Variants in DOCK1 observed in about 807,000 individuals in gnomAD.
DOCK1 encodes the protein dedicator of cytokinesis 1.
DOCK1 carries 138 observed loss-of-function variants against 262.7 expected under a neutral mutation model. The observed-to-expected ratio is 0.53, with a 90% CI of 0.46 to 0.61. DOCK1 has a LOEUF of 0.61. Among genes scored for constraint, DOCK1 ranks in the 20% least tolerant of loss-of-function variants. DOCK1 has a pLI of 0.00. For synonymous variants in DOCK1, 866 were observed against 867.4 expected, an observed-to-expected ratio of 1.00 and a Z score of 0.03; for missense variants, 1,908 against 2,370.7, an observed-to-expected ratio of 0.80 and a Z score of 4.05.
chr10:127,063,662 C>A (rs2135847409), intron 23 of DOCK1, among the ~76,000 whole-genome samples: 1 of 152,260 alleles, frequency 6.6e-6, no homozygotes, highest in East Asian at 1.9e-4. Flanking sequence ...TTTAGAAAAA[C>A]AGACGTGTGT....
intron 27 of DOCK1, among the ~76,000 whole-genome samples, chr10:127,139,213 A>G (rs1453047944): frequency 6.6e-6 from 1 of 152,216 alleles, no homozygotes; most frequent in Admixed American, 6.5e-5. Flanking sequence ...ATGAAATCCT[A>G]TTGATTTAGA....
chr10:127,148,312 G>T (rs946121537), intron 27 of DOCK1, among the ~76,000 whole-genome samples: 8 of 152,314 alleles, frequency 5.3e-5, no homozygotes, highest in Admixed American at 3.3e-4. Flanking sequence ...GGAGGATGTG[G>T]TCACTCAGGG....
chr10:126,936,697 T>C (rs2034580358), intron 1 of DOCK1, among the ~76,000 whole-genome samples: 1 of 152,150 alleles, frequency 6.6e-6, no homozygotes, highest in African/African-American at 2.4e-5. Context: ...AGAAAAATGA[T>C]CAAACTTATT....
Position 126,978,124 on chromosome 10 carries a change from G to A in DOCK1, c.171+136G>A, listed in dbSNP as rs1490719104. The A allele has an allele frequency of 8.3e-6, 7 of 845,784 alleles. No homozygotes were observed. The African/African-American group carries it at 1.0e-4, about 12-fold the overall frequency. 52.4% of individuals were successfully genotyped at this position (845,784 alleles called of 1,614,324 possible). A position where few individuals can be genotyped will look rare whatever the true frequency, so the allele number is the denominator to read the frequency against. ...CTGAATTTAAAAAAATATATGGGTAGGAATGTGAACGAGCTTGGATTGTTT... is the reference window on the plus strand; with the variant it reads ...CTGAATTTAAAAAAATATATGGGTAAGAATGTGAACGAGCTTGGATTGTTT... On this transcript the variant is annotated intron_variant, in intron 3 of 51. Transcript: ENST00000623213.
chr10:127,308,195 TGTCA>T (rs1408841949), intron 29 of DOCK1, among the ~76,000 whole-genome samples: 3 of 152,238 alleles, frequency 2.0e-5, no homozygotes, highest in Non-Finnish European at 4.4e-5. Flanking sequence ...TCCATCCTCC[TGTCA>T]GTCCTTACGA....
At chr10:127,229,481 CTG>C (rs1306901809) in intron 27 of DOCK1, among the ~76,000 whole-genome samples, 7 of 152,230 alleles carry the variant, frequency 4.6e-5, no homozygotes, top group South Asian at 4.1e-4. Flanking sequence ...TGAGATCATG[CTG>C]TGTTTGTCTT....
chr10:126,949,131 C>T lies in DOCK1; in HGVS notation c.47-21571C>T, dbSNP rs967007913. On this transcript the variant is annotated intron_variant, in intron 1 of 51. Transcript: ENST00000623213. ...TCCTGCCCTTGCTGCCTGCCTGGCA[C>T]TCTGGGTTCCCCTCTGCACTTGTTT... Among the ~76,000 whole-genome samples, 68 of 152,230 alleles carry T rather than the reference C, an allele frequency of 4.5e-4. No individual in the cohort carries two copies. The East Asian group carries it at 0.011, about 24-fold the overall frequency.
At chr10:127,232,363 A>G in intron 27 of DOCK1, among the ~76,000 whole-genome samples, 1 of 152,132 alleles carries the variant, frequency 6.6e-6, no homozygotes, top group Non-Finnish European at 1.5e-5. Flanking sequence ...CTTGTTTTCC[A>G]TACAGCAAAT....
intron 1 of DOCK1, among the ~76,000 whole-genome samples, chr10:126,909,187 G>A (rs2031390521): frequency 6.6e-6 from 1 of 152,188 alleles, no homozygotes; most frequent in Non-Finnish European, 1.5e-5. Flanking sequence ...CTGGCCCTGA[G>A]ATGTAGGGGC....
At chr10:127,046,636 C>G (rs2044362884) in intron 21 of DOCK1, among the ~76,000 whole-genome samples, 1 of 151,604 alleles carries the variant, frequency 6.6e-6, no homozygotes, top group African/African-American at 2.4e-5. Flanking sequence ...TGGCAGGTGC[C>G]TGTAATCCCA....
intron 6 of DOCK1, among the ~76,000 whole-genome samples, chr10:126,992,980 A>T (rs983870718): frequency 2.0e-5 from 3 of 152,216 alleles, no homozygotes; most frequent in African/African-American, 7.2e-5. Flanking sequence ...AATGCGTAGA[A>T]GGGTTGACTG....
chr10:127,081,909 C>T (rs973687265), intron 23 of DOCK1, among the ~76,000 whole-genome samples: 3 of 152,168 alleles, frequency 2.0e-5, no homozygotes, highest in Non-Finnish European at 4.4e-5. Flanking sequence ...TGGAACATTT[C>T]GCCACCCCAG....
intron 29 of DOCK1, among the ~76,000 whole-genome samples, chr10:127,321,155 G>A (rs1278919779): frequency 6.6e-6 from 1 of 151,918 alleles, no homozygotes; most frequent in Middle Eastern, 3.4e-3. Context: ...CGCGTCTTGC[G>A]CTGTTTCCCT....
intron 23 of DOCK1, among the ~76,000 whole-genome samples, chr10:127,069,243 T>A (rs1255443061): frequency 6.6e-6 from 1 of 152,176 alleles, no homozygotes; most frequent in Non-Finnish European, 1.5e-5. Context: ...GCTGCCATGG[T>A]GGATGAGTCG....
At chr10:126,952,957 A>AT (rs1360914148) in intron 1 of DOCK1, among the ~76,000 whole-genome samples, 129,647 of 145,518 alleles carry the variant, frequency 0.89, 56,898 homozygotes, top group African/African-American at 0.96. Context: ...TAGTGGTAGT[A>AT]TTTTTTGTTG....
chr10:127,103,404 A>C (rs987701244), intron 23 of DOCK1, among the ~76,000 whole-genome samples: 2 of 152,162 alleles, frequency 1.3e-5, no homozygotes, highest in African/African-American at 2.4e-5. Flanking sequence ...GGGGCTAGGT[A>C]TTGTTAAGGT....
intron 29 of DOCK1, among the ~76,000 whole-genome samples, chr10:127,274,549 A>G (rs2060677760): frequency 6.6e-6 from 1 of 152,208 alleles, no homozygotes; most frequent in Non-Finnish European, 1.5e-5. Flanking sequence ...GTCATTGGGA[A>G]GAGGGAAACA....
intron 29 of DOCK1, among the ~76,000 whole-genome samples, chr10:127,259,775 C>T (rs2059954879): frequency 6.9e-6 from 1 of 144,838 alleles, no homozygotes; most frequent in South Asian, 2.3e-4. Flanking sequence ...TAGTCAAAAT[C>T]TACTTAGTTC....
chr10:126,956,551 G>A (rs1362424956), intron 1 of DOCK1, among the ~76,000 whole-genome samples: 1 of 152,176 alleles, frequency 6.6e-6, no homozygotes, highest in African/African-American at 2.4e-5. Context: ...CCCCGCCCAC[G>A]TGCCTTGCTG....
Sources: gnomAD v4.1 joint callset for allele counts (sites outside exome capture counted in the v4.1 genomes callset) on GRCh38, gnomAD v4.1.1 for gene constraint, MANE v1.5 for transcripts, NCBI Gene and HGNC (gene_info 2026-07-23, HGNC 2026-07-21) for gene names.